The following BCORL1 variants were observed in gnomAD, a reference collection of about 807,000 sequenced individuals.
BCORL1 encodes BCL6 corepressor like 1.
A neutral mutation model predicts 87.6 loss-of-function variants in BCORL1; 7 were observed. The observed-to-expected ratio is 0.08, with a 90% CI of 0.05 to 0.15. The LOEUF (loss-of-function observed/expected upper bound fraction) is 0.15, where lower values mean the gene tolerates loss of function less well. BCORL1 is among the 10% of genes least tolerant of loss of function. The pLI is 1.00. For synonymous variants in BCORL1, 591 were observed against 634.4 expected (o/e 0.93, Z 1.03); for missense variants, 1,215 against 1,499.7 (o/e 0.81, Z 3.13).
rs1932341876 is a variant in BCORL1, at chrX:130,055,791, TG to T, written c.5076-60del. The T allele has an allele frequency of 7.3e-6, 8 of 1,100,192 alleles. No individual in the cohort carries two copies. The Admixed American group carries it at 2.1e-4, about 28-fold the overall frequency. 90.7% of individuals were successfully genotyped at this position (1,100,192 alleles called of 1,213,427 possible). On this transcript the variant is annotated intron_variant, in intron 13 of 13. Transcript: ENST00000540052. Reference sequence around the variant, plus strand: ...CCTTTGTGGGCTTTGCAGAGTGTTCTGGGTCGGTGCCCCCACCGCTTCCTCC... The same window carrying T: ...CCTTTGTGGGCTTTGCAGAGTGTTCTGGTCGGTGCCCCCACCGCTTCCTCC...
rs746671628 is a variant in BCORL1 at position 130,022,887 on chromosome X, A to G, written c.3608-10A>G. 2.5e-6 allele frequency: 3 copies of G among 1,206,808 alleles called. No homozygotes were observed. The highest frequency in any genetic ancestry group is 3.4e-6 in the Non-Finnish European group (3 of 891,106). On this transcript the variant is annotated splice_polypyrimidine_tract_variant and intron_variant, in intron 5 of 13. Transcript: ENST00000540052. Reference sequence around the variant, plus strand: ...TCTGCCTTCTGTCCCCAAACCACACATCACTCCAGGTTCCTTGGAAAAGAA... The same window carrying G: ...TCTGCCTTCTGTCCCCAAACCACACGTCACTCCAGGTTCCTTGGAAAAGAA...
chrX:130,054,783 T>C (rs4474177), intron 13 of BCORL1, among the ~76,000 whole-genome samples: 11,534 of 110,195 alleles, frequency 0.1, 1,526 homozygotes, highest in African/African-American at 0.36. Context: ...TGGTCGTGGG[T>C]GCCTGTAATC....
Position 130,005,184 on chromosome X carries a change from C to G in BCORL1, c.-44-4C>G. 3 of 1,103,972 alleles carry G rather than the reference C, an allele frequency of 2.7e-6. No individual in the cohort carries two copies. Among genetic ancestry groups the G allele is most frequent in the Non-Finnish European group, 3.7e-6 (3 of 811,920 alleles). 91.0% of individuals were successfully genotyped at this position (1,103,972 alleles called of 1,213,427 possible). ...TTTTGATTTTCTGGAATTCTTTTCC[C>G]CAGGGGGAGTGGCCACAGCAGGTCC... On this transcript the variant is annotated splice_polypyrimidine_tract_variant and splice_region_variant and intron_variant, in intron 1 of 13. Transcript: ENST00000540052.
intron 1 of BCORL1, among the ~76,000 whole-genome samples, chrX:129,999,712 T>C (rs2124378769): frequency 9.5e-6 from 1 of 105,471 alleles, no homozygotes; most frequent in Admixed American, 1.0e-4. Flanking sequence ...GTCTTAACTG[T>C]CGCCTAGGCT....
At chrX:130,040,964 G>C (rs1390561218) in intron 11 of BCORL1, among the ~76,000 whole-genome samples, 1 of 111,166 alleles carries the variant, frequency 9.0e-6, no homozygotes, top group Non-Finnish European at 1.9e-5. Context: ...GGGGCTCCTA[G>C]ATCTAAATAA....
chrX:130,036,551 G>A (rs1930958526), intron 9 of BCORL1, among the ~76,000 whole-genome samples: 1 of 112,710 alleles, frequency 8.9e-6, no homozygotes, highest in Admixed American at 9.3e-5. Flanking sequence ...GTGAGCCACT[G>A]CACCCAGCCT....
chrX:130,055,460 G>A (rs1433933008), intron 13 of BCORL1, among the ~76,000 whole-genome samples: 1 of 112,714 alleles, frequency 8.9e-6, no homozygotes, highest in East Asian at 2.8e-4. Context: ...GGCAGGGGCG[G>A]GAGTCGGAGG....
intron 11 of BCORL1, among the ~76,000 whole-genome samples, chrX:130,045,972 A>C (rs990078443): frequency 3.6e-5 from 4 of 111,193 alleles, no homozygotes; most frequent in African/African-American, 1.3e-4. Flanking sequence ...ATGCAACATG[A>C]AATTAACAAT....
Position 130,015,247 on chromosome X carries a change from C to T in BCORL1, c.2475C>T (p.Ser825=). 1.6e-6 allele frequency: 2 copies of T among 1,212,175 alleles called. No homozygotes were observed. Among genetic ancestry groups the T allele is most frequent in the South Asian group, 1.8e-5 (1 of 57,052 alleles). ...PRCSVNGKPT[S]TQVLPVGWSP... ...GTTCAGTCAATGGGAAACCTACCAG[C>T]ACCCAGGTCCTGCCTGTTGGCTGGT... Residue 825 remains serine, a synonymous_variant, in exon 4 of 14, where the codon AGC becomes AGT. Transcript: ENST00000540052.
rs770634270 is a variant in BCORL1 at position 130,015,344 on chromosome X, G to C, written c.2572G>C (p.Ala858Pro). Residue 858 changes from alanine to proline, a missense_variant, in exon 4 of 14, where the codon GCG becomes CCG. This residue lies in a region of BCORL1 where 861 missense variants were observed against 1,010.0 expected (regional missense o/e 0.85). Transcript: ENST00000540052. ...SAGQLTPSQGAPIRPTSVVSE... is the reference protein window; with the variant it reads ...SAGQLTPSQGPPIRPTSVVSE... Reference sequence around the variant, plus strand: ...CGGGCAGCTGACCCCCAGTCAGGGGGCGCCCATCAGGCCCACCAGCGTTGT... The same window carrying C: ...CGGGCAGCTGACCCCCAGTCAGGGGCCGCCCATCAGGCCCACCAGCGTTGT... 1.6e-5 allele frequency: 19 copies of C among 1,210,515 alleles called. No individual in the cohort carries two copies. Among genetic ancestry groups the C allele is most frequent in the Non-Finnish European group, 2.1e-5 (19 of 895,382 alleles).
At chrX:130,022,854 G>A in intron 5 of BCORL1, 43 bp from the exon 6 acceptor site, 4 of 1,124,002 alleles carry the variant, frequency 3.6e-6, no homozygotes, top group Non-Finnish European at 4.9e-6. Flanking sequence ...AGCTTTGATT[G>A]TAACATTTCT....
intron 1 of BCORL1, among the ~76,000 whole-genome samples, chrX:129,986,390 G>T (rs1603055217): frequency 8.9e-6 from 1 of 111,940 alleles, no homozygotes; most frequent in East Asian, 2.8e-4. Context: ...CACTCATGTG[G>T]GTCTGGCTAT....
Position 130,056,127 on chromosome X carries a change from CA to C in BCORL1, c.5351del (p.Asn1784ThrfsTer37). ...LGSEVEFQSC[N>X]S ...GGTCCGAGGTGGAATTCCAGTCTTG[CA>C]ACAGTTGACCGGGAAAACAGCCCCT... On this transcript the variant is annotated frameshift_variant, in exon 14 of 14. Coordinates refer to ENST00000540052, the MANE Select transcript of BCORL1 (RefSeq NM_001379451.1). LOFTEE classifies it high-confidence loss of function. 5.1e-6 allele frequency: 6 copies of C among 1,169,224 alleles called. No homozygotes were observed. Among genetic ancestry groups the C allele is most frequent in the Non-Finnish European group, 6.9e-6 (6 of 872,932 alleles).
intron 4 of BCORL1, among the ~76,000 whole-genome samples, chrX:130,016,502 A>G (rs1929456497): frequency 8.9e-6 from 1 of 112,066 alleles, no homozygotes; most frequent in Non-Finnish European, 1.9e-5. Context: ...CCCAGATGAG[A>G]TCGGAAAGCG....
chrX:129,991,002 C>A (rs1298192261), intron 1 of BCORL1, among the ~76,000 whole-genome samples: 1 of 112,125 alleles, frequency 8.9e-6, no homozygotes, highest in African/African-American at 3.2e-5. Flanking sequence ...GTGGCGTGAT[C>A]TCGGCTTACT....
rs768569805 is a variant in BCORL1, at chrX:130,045,413, G to A, written c.4841-5304G>A. Among the ~76,000 whole-genome samples, 53 of 110,786 alleles carry A rather than the reference G, an allele frequency of 4.8e-4. No individual in the cohort carries two copies. The South Asian group carries it at 0.017, about 36-fold the overall frequency. On this transcript the variant is annotated intron_variant, in intron 11 of 13. Transcript: ENST00000540052. Reference sequence around the variant, plus strand: ...ATTGTTTTTCCTGCTAGATACCTCTGCCATATGACCCCATGTTGAAGACCA... The same window carrying A: ...ATTGTTTTTCCTGCTAGATACCTCTACCATATGACCCCATGTTGAAGACCA...
Position 130,042,802 on chromosome X carries a change from T to A in BCORL1, c.4840+3520T>A, listed in dbSNP as rs74495268. On this transcript the variant is annotated intron_variant, in intron 11 of 13. Transcript: ENST00000540052. Reference sequence around the variant, plus strand: ...GCCTGACCAACATGGTGAAACCCCCTCTCTACTAAAAATACAAAAGTTAGC... The same window carrying A: ...GCCTGACCAACATGGTGAAACCCCCACTCTACTAAAAATACAAAAGTTAGC... 4.6e-5 allele frequency among the ~76,000 whole-genome samples: 5 copies of A among 109,465 alleles called. No homozygotes were observed. The East Asian group carries it at 1.5e-3, about 33-fold the overall frequency.
intron 8 of BCORL1, 42 bp downstream of exon 8, chrX:130,028,903 G>T (rs200362800): frequency 3.2e-4 from 269 of 838,241 alleles, no homozygotes; most frequent in Non-Finnish European, 3.8e-4. Context: ...TGTGTGTGGC[G>T]GGGGGTCAGA....
chrX:130,048,180 G>A (rs1428193917), intron 11 of BCORL1, among the ~76,000 whole-genome samples: 1 of 112,386 alleles, frequency 8.9e-6, no homozygotes, highest in Non-Finnish European at 1.9e-5. Context: ...CATTTCAGTA[G>A]CTCACAATGC....
Sources: gnomAD v4.1 joint callset for allele counts (sites outside exome capture counted in the v4.1 genomes callset) on GRCh38, gnomAD v4.1.1 for gene constraint, gnomAD v4.1.1 regional missense constraint, MANE v1.5 for transcripts, NCBI Gene and HGNC (gene_info 2026-07-23, HGNC 2026-07-21) for gene names.